Variants in DPP10 observed in about 807,000 individuals in gnomAD.
DPP10 encodes inactive dipeptidyl peptidase 10.
Under a neutral mutation model 120.9 loss-of-function variants are expected in DPP10, and 33 were observed. The observed-to-expected ratio is 0.27, with a 90% CI of 0.21 to 0.37. The LOEUF (loss-of-function observed/expected upper bound fraction) is 0.37, where lower values mean the gene tolerates loss of function less well. DPP10 is among the 10% of genes least tolerant of loss of function. The probability of loss-of-function intolerance (pLI) is 1.00; values close to 1 mark genes in which losing one functional copy is unlikely to be tolerated. For synonymous variants in DPP10, 337 were observed against 326.1 expected (o/e 1.03, Z -0.36); for missense variants, 816 against 942.8 (o/e 0.87, Z 1.76).
rs559617642 is a variant in DPP10, at chr2:115,267,067, A to G, written c.61-42172A>G. Reference sequence around the variant, plus strand: ...TCCTATAGGACTTCACCATCTAAAAACACCTTAGTTCCCATACAGCTTTGC... The same window carrying G: ...TCCTATAGGACTTCACCATCTAAAAGCACCTTAGTTCCCATACAGCTTTGC... On this transcript the variant is annotated intron_variant, in intron 1 of 25. Transcript: ENST00000410059. Among the ~76,000 whole-genome samples the G allele has an allele frequency of 1.1e-3, 161 of 152,292 alleles. No individual in the cohort carries two copies. In the Middle Eastern group the frequency reaches 0.014, roughly 13 times the overall value.
chr2:115,751,826 T>A (rs951442166), intron 10 of DPP10, among the ~76,000 whole-genome samples: 8 of 147,350 alleles, frequency 5.4e-5, no homozygotes, highest in Non-Finnish European at 1.2e-4. Context: ...TGAGACAGAG[T>A]CTTGCTCTGT....
At chr2:114,697,629 A>T (rs1700142380) in intron 1 of DPP10, among the ~76,000 whole-genome samples, 1 of 151,878 alleles carries the variant, frequency 6.6e-6, no homozygotes, top group South Asian at 2.1e-4. Flanking sequence ...AGGCACTTGT[A>T]ATCCCAGCTA....
At chr2:115,607,146 T>G (rs1242321474) in intron 5 of DPP10, among the ~76,000 whole-genome samples, 1 of 152,158 alleles carries the variant, frequency 6.6e-6, no homozygotes, top group African/African-American at 2.4e-5. Context: ...CCTTATGACT[T>G]TGTACGAATC....
At chr2:115,425,671 G>A (rs2070388565) in intron 3 of DPP10, among the ~76,000 whole-genome samples, 1 of 152,152 alleles carries the variant, frequency 6.6e-6, no homozygotes, top group Non-Finnish European at 1.5e-5. Context: ...TAAAAAGATA[G>A]ATAAGTGGTT....
At chr2:114,839,002 T>G (rs931844137) in intron 1 of DPP10, among the ~76,000 whole-genome samples, 1 of 152,208 alleles carries the variant, frequency 6.6e-6, no homozygotes, top group African/African-American at 2.4e-5. Flanking sequence ...ATCCTCTGTT[T>G]TTTAATATTA....
intron 1 of DPP10, among the ~76,000 whole-genome samples, chr2:114,667,554 T>C (rs1045121082): frequency 1.3e-5 from 2 of 152,184 alleles, no homozygotes; most frequent in Admixed American, 6.6e-5. Context: ...AGTGTTTCTG[T>C]TGAAATTTGC....
chr2:115,766,310 GTA>G (rs1221483510), intron 12 of DPP10, among the ~76,000 whole-genome samples: 1,019 of 81,634 alleles, frequency 0.012, 17 homozygotes, highest in Non-Finnish European at 0.019. Context: ...GTGTGTGTGT[GTA>G]TATATATATA....
chr2:114,589,063 T>C (rs1691246121), intron 1 of DPP10, among the ~76,000 whole-genome samples: 1 of 151,590 alleles, frequency 6.6e-6, no homozygotes, highest in Non-Finnish European at 1.5e-5. Context: ...GGACGTACTG[T>C]TTATAAAAAC....
chr2:114,444,956 A>G (rs1677857794), intron 1 of DPP10, among the ~76,000 whole-genome samples: 1 of 152,192 alleles, frequency 6.6e-6, no homozygotes, highest in African/African-American at 2.4e-5. Context: ...CTCTTAGTTC[A>G]AATTATGTGC....
At chr2:115,110,209 T>C (rs17044073) in intron 1 of DPP10, among the ~76,000 whole-genome samples, 23,351 of 152,122 alleles carry the variant, frequency 0.15, 2,047 homozygotes, top group Non-Finnish European at 0.19. Flanking sequence ...AACCATTTCA[T>C]AGTGATGACG....
chr2:114,832,638 A>C (rs930505109), intron 1 of DPP10, among the ~76,000 whole-genome samples: 16 of 152,246 alleles, frequency 1.1e-4, no homozygotes, highest in Non-Finnish European at 1.9e-4. Flanking sequence ...AGAGCCTTCA[A>C]ATGTAACTTA....
intron 1 of DPP10, among the ~76,000 whole-genome samples, chr2:115,149,327 G>A (rs2051403929): frequency 6.6e-6 from 1 of 152,156 alleles, no homozygotes; most frequent in Non-Finnish European, 1.5e-5. Context: ...AATTTCATAT[G>A]TAAGGTAATT....
chr2:115,134,669 G>GGCCCT (rs2050554709), intron 1 of DPP10, among the ~76,000 whole-genome samples: 3 of 151,974 alleles, frequency 2.0e-5, no homozygotes, highest in Non-Finnish European at 4.4e-5. Flanking sequence ...AAAAAGATCA[G>GGCCCT]AGTAATAGCA....
chr2:115,637,250 T>G (rs2086414514), intron 5 of DPP10, among the ~76,000 whole-genome samples: 1 of 152,236 alleles, frequency 6.6e-6, no homozygotes, highest in Admixed American at 6.5e-5. Context: ...AATTTGAAAT[T>G]TTGTGAAGAG....
intron 1 of DPP10, among the ~76,000 whole-genome samples, chr2:115,106,990 A>G (rs2048978575): frequency 6.6e-6 from 1 of 151,206 alleles, no homozygotes; most frequent in South Asian, 2.1e-4. Context: ...CAGGAGAATG[A>G]CGTGAACCCG....
At chr2:115,820,552 C>A (rs1687708764) in intron 21 of DPP10, among the ~76,000 whole-genome samples, 1 of 151,810 alleles carries the variant, frequency 6.6e-6, no homozygotes, top group Non-Finnish European at 1.5e-5. Flanking sequence ...TGTATTGTAC[C>A]CAGTGTGTAG....
At chr2:114,864,203 T>G (rs116606997) in intron 1 of DPP10, among the ~76,000 whole-genome samples, 5 of 152,264 alleles carry the variant, frequency 3.3e-5, no homozygotes, top group African/African-American at 7.2e-5. Flanking sequence ...ACCGGTAAAA[T>G]CTACATTTCT....
At chr2:114,633,244 CTTTCTTTTT>C (rs1057001579) in intron 1 of DPP10, among the ~76,000 whole-genome samples, 2 of 113,748 alleles carry the variant, frequency 1.8e-5, no homozygotes, top group Non-Finnish European at 3.6e-5. Context: ...ATTGGTTTTT[CTTTCTTTTT>C]TTTTTTTTTT....
intron 3 of DPP10, among the ~76,000 whole-genome samples, chr2:115,381,900 G>T (rs2066403014): frequency 1.3e-5 from 2 of 152,216 alleles, no homozygotes; most frequent in Admixed American, 1.3e-4. Flanking sequence ...TGAGGAGGCA[G>T]TCTGCCCGTT....
Sources: allele counts gnomAD v4.1 joint callset (sites outside exome capture counted in the v4.1 genomes callset), GRCh38; gene constraint gnomAD v4.1.1; transcripts MANE v1.5; gene names NCBI Gene and HGNC (gene_info 2026-07-23, HGNC 2026-07-21).